Variants in NBEA observed in about 807,000 individuals in gnomAD.
NBEA encodes neurobeachin.
Under a neutral mutation model 343.4 loss-of-function variants are expected in NBEA, and 44 were observed. The observed-to-expected ratio is 0.13, with a 90% CI of 0.10 to 0.16. The LOEUF (loss-of-function observed/expected upper bound fraction) is 0.16. Among genes scored for constraint, NBEA ranks in the 10% least tolerant of loss-of-function variants. The probability of loss-of-function intolerance (pLI) is 1.00; values close to 1 mark genes in which losing one functional copy is unlikely to be tolerated. For synonymous variants in NBEA, 1,175 were observed against 1,238.7 expected, an observed-to-expected ratio of 0.95 and a Z score of 1.08; for missense variants, 2,555 against 3,631.3, an observed-to-expected ratio of 0.70 and a Z score of 7.62.
intron 1 of NBEA, among the ~76,000 whole-genome samples, chr13:35,015,928 A>G (rs958221849): frequency 9.9e-5 from 15 of 152,126 alleles, no homozygotes; most frequent in Non-Finnish European, 1.8e-4. Context: ...AGATTCGGAT[A>G]AAAAAGGAAT....
At chr13:35,574,546 C>T (rs2080634999) in intron 45 of NBEA, among the ~76,000 whole-genome samples, 2 of 152,022 alleles carry the variant, frequency 1.3e-5, no homozygotes, top group South Asian at 4.2e-4. Context: ...GTGAGCCATT[C>T]CACACCTCCA....
At chr13:35,105,820 C>A (rs1293402680) in intron 11 of NBEA, among the ~76,000 whole-genome samples, 2 of 152,040 alleles carry the variant, frequency 1.3e-5, no homozygotes, top group East Asian at 3.9e-4. Flanking sequence ...TCTACAATTA[C>A]AATAGTTTTA....
rs181649679 is a variant in NBEA at position 35,280,332 on chromosome 13, A to T, written c.5777-10057A>T. The stretch of plus-strand genomic sequence containing the variant: ...TCTACATCCTCTCATGAGTAAAAGA[A>T]GATGTTTAAATTAATTTCAGCAGAT... On this transcript the variant is annotated intron_variant, in intron 34 of 58. Transcript: ENST00000379939. Among the ~76,000 whole-genome samples the T allele has an allele frequency of 2.0e-4, 30 of 152,270 alleles. No individual in the cohort carries two copies. The East Asian group carries it at 5.8e-3, about 29-fold the overall frequency.
At chr13:35,396,302 ATATT>A (rs1445458768) in intron 38 of NBEA, among the ~76,000 whole-genome samples, 1 of 151,640 alleles carries the variant, frequency 6.6e-6, no homozygotes, top group Non-Finnish European at 1.5e-5. Flanking sequence ...TAAAATTTTA[ATATT>A]TATTTGTTTC....
At chr13:35,008,982 T>A (rs1023516095) in intron 1 of NBEA, among the ~76,000 whole-genome samples, 2 of 152,198 alleles carry the variant, frequency 1.3e-5, no homozygotes, top group Admixed American at 1.3e-4. Flanking sequence ...TAGCCTAAAG[T>A]CTGGGCTTAC....
chr13:35,152,756 A>G (rs1053437530), intron 18 of NBEA, among the ~76,000 whole-genome samples: 2 of 152,168 alleles, frequency 1.3e-5, no homozygotes. Flanking sequence ...CACTGGGGAC[A>G]TGTGGCTGTT....
intron 33 of NBEA, among the ~76,000 whole-genome samples, chr13:35,230,868 C>G (rs1160544066): frequency 6.6e-6 from 1 of 151,996 alleles, no homozygotes; most frequent in Non-Finnish European, 1.5e-5. Flanking sequence ...CAAATGCTTG[C>G]CGTACACACA....
intron 1 of NBEA, among the ~76,000 whole-genome samples, chr13:35,013,044 T>C (rs2061537323): frequency 1.3e-5 from 2 of 152,120 alleles, no homozygotes; most frequent in South Asian, 4.1e-4. Context: ...CTATAAGGGG[T>C]AGATGGTTGA....
intron 34 of NBEA, among the ~76,000 whole-genome samples, chr13:35,281,735 A>G (rs954884046): frequency 6.6e-6 from 1 of 152,110 alleles, no homozygotes; most frequent in African/African-American, 2.4e-5. Flanking sequence ...TTAAAGGTGT[A>G]TACAATACAA....
chr13:35,029,357 T>C (rs747011046), intron 1 of NBEA, among the ~76,000 whole-genome samples: 4 of 151,570 alleles, frequency 2.6e-5, no homozygotes, highest in Non-Finnish European at 5.9e-5. Context: ...TCTAAATTGA[T>C]ATTTGTAGAT....
At chr13:34,983,009 C>T (rs2060410631) in intron 1 of NBEA, among the ~76,000 whole-genome samples, 2 of 151,836 alleles carry the variant, frequency 1.3e-5, no homozygotes, top group African/African-American at 4.8e-5. Flanking sequence ...AGGAATTGAC[C>T]TTTGGGTTAT....
intron 1 of NBEA, among the ~76,000 whole-genome samples, chr13:34,997,474 G>A (rs566928186): frequency 6.6e-6 from 1 of 152,150 alleles, no homozygotes; most frequent in East Asian, 1.9e-4. Flanking sequence ...TTCTAGACCA[G>A]CAAGCTAATA....
chr13:35,126,338 T>G (rs1452787731), intron 17 of NBEA, among the ~76,000 whole-genome samples: 2 of 152,078 alleles, frequency 1.3e-5, no homozygotes, highest in Non-Finnish European at 2.9e-5. Flanking sequence ...CTTTATAAAT[T>G]AGCCAATCTT....
intron 49 of NBEA, among the ~76,000 whole-genome samples, chr13:35,634,410 C>T (rs994219631): frequency 6.6e-6 from 1 of 152,188 alleles, no homozygotes; most frequent in African/African-American, 2.4e-5. Flanking sequence ...AACACTATTA[C>T]TGGCATTAAA....
At chr13:35,605,807 A>G (rs541932650) in intron 47 of NBEA, among the ~76,000 whole-genome samples, 1 of 152,306 alleles carries the variant, frequency 6.6e-6, no homozygotes, top group East Asian at 1.9e-4. Context: ...CAATTTATTG[A>G]GAACCTGTCA....
intron 38 of NBEA, among the ~76,000 whole-genome samples, chr13:35,352,795 CA>C (rs2040260384): frequency 6.6e-6 from 1 of 151,894 alleles, no homozygotes; most frequent in African/African-American, 2.4e-5. Flanking sequence ...TCAGTCTTAC[CA>C]AGGGAAGATT....
chr13:35,195,577 A>G (rs1455737711), intron 30 of NBEA, among the ~76,000 whole-genome samples: 1 of 151,748 alleles, frequency 6.6e-6, no homozygotes, highest in Admixed American at 6.6e-5. Flanking sequence ...TTGTGTTTTT[A>G]GTAGAGACGG....
chr13:34,943,116 T>C lies in NBEA; in HGVS notation c.294+2T>C. On this transcript the variant is annotated splice_donor_variant, in intron 1 of 58. Transcript: ENST00000379939. LOFTEE classifies it high-confidence loss of function. ...ATCGTGGAGACGGTGCTCAACCTGG[T>C]AAGGAAAAGGCGTGCTCTCAATCTG... 1 of 1,613,212 alleles carries C rather than the reference T, an allele frequency of 6.2e-7. No homozygotes were observed. Among genetic ancestry groups the C allele is most frequent in the Non-Finnish European group, 8.5e-7 (1 of 1,179,640 alleles).
intron 39 of NBEA, among the ~76,000 whole-genome samples, chr13:35,435,689 G>A (rs1047316928): frequency 2.6e-5 from 4 of 152,020 alleles, no homozygotes; most frequent in African/African-American, 9.7e-5. Flanking sequence ...CCTGCAAGTT[G>A]AATTAAAAGA....
Sources: allele counts gnomAD v4.1 joint callset (sites outside exome capture counted in the v4.1 genomes callset), GRCh38; gene constraint gnomAD v4.1.1; transcripts MANE v1.5; gene names NCBI Gene and HGNC (gene_info 2026-07-23, HGNC 2026-07-21).